The following ERG variants were observed in gnomAD, a reference collection of about 807,000 sequenced individuals.
The protein encoded by ERG is ETS transcription factor ERG.
In ERG, 9 loss-of-function variants were observed where a neutral mutation model predicts 55.3. That is an observed-to-expected ratio of 0.16 (90% CI 0.10 to 0.28). ERG has a LOEUF of 0.28. ERG is among the 10% of genes least tolerant of loss of function. The pLI, the probability that ERG is intolerant of heterozygous loss-of-function variation, is 1.00. For synonymous variants in ERG, 223 were observed against 237.3 expected (o/e 0.94, Z 0.55); for missense variants, 434 against 631.6 (o/e 0.69, Z 3.35).
chr21:38,505,518 G>C (rs1007389270), intron 2 of ERG, among the ~76,000 whole-genome samples: 11 of 152,334 alleles, frequency 7.2e-5, no homozygotes, highest in African/African-American at 9.6e-5. Flanking sequence ...GATGATATCA[G>C]TAAATTTGTT....
chr21:38,532,503 C>T (rs2059679943), intron 2 of ERG, among the ~76,000 whole-genome samples: 1 of 152,172 alleles, frequency 6.6e-6, no homozygotes, highest in Non-Finnish European at 1.5e-5. Context: ...AGTTTGGAAA[C>T]ACTTGATTCT....
chr21:38,615,667 G>A (rs2146935161), intron 1 of ERG, among the ~76,000 whole-genome samples: 1 of 150,380 alleles, frequency 6.6e-6, no homozygotes, highest in African/African-American at 2.5e-5. Flanking sequence ...AATGATAGCT[G>A]ACAATTATTA....
intron 1 of ERG, among the ~76,000 whole-genome samples, chr21:38,484,219 C>T (rs2146656960): frequency 6.6e-6 from 1 of 152,278 alleles, no homozygotes; most frequent in East Asian, 1.9e-4. Flanking sequence ...CCCGCCTCAA[C>T]CTCCCAAAGT....
intron 1 of ERG, among the ~76,000 whole-genome samples, chr21:38,482,510 C>T (rs982490793): frequency 1.3e-5 from 2 of 152,114 alleles, no homozygotes; most frequent in Non-Finnish European, 2.9e-5. Flanking sequence ...AATCCCTTTT[C>T]TGGGTACTTT....
chr21:38,515,582 A>G (rs968852056), intron 2 of ERG, among the ~76,000 whole-genome samples: 2 of 152,000 alleles, frequency 1.3e-5, no homozygotes, highest in African/African-American at 4.8e-5. Context: ...TGAGGCCAAC[A>G]TTACCCTCAT....
At chr21:38,376,222 G>C (rs903918365), downstream of ERG, among the ~76,000 whole-genome samples, 3 of 152,306 alleles carry the variant, frequency 2.0e-5, no homozygotes, top group Non-Finnish European at 4.4e-5. Flanking sequence ...GGCACAGACA[G>C]GCCCAGGGTC....
intron 2 of ERG, among the ~76,000 whole-genome samples, chr21:38,438,492 A>G (rs554480428): frequency 6.6e-6 from 1 of 152,316 alleles, no homozygotes; most frequent in South Asian, 2.1e-4. Context: ...GATACTCCCT[A>G]CTTTTTCTCA....
intron 2 of ERG, among the ~76,000 whole-genome samples, chr21:38,426,069 C>T (rs1004735803): frequency 6.6e-6 from 1 of 152,218 alleles, no homozygotes; most frequent in African/African-American, 2.4e-5. Flanking sequence ...GTCAGGGTCA[C>T]GCAGGACTCA....
At chr21:38,436,162 G>A (rs570371225) in intron 2 of ERG, among the ~76,000 whole-genome samples, 2 of 120,430 alleles carry the variant, frequency 1.7e-5, no homozygotes, top group East Asian at 2.6e-4. Flanking sequence ...ATAGGCACCT[G>A]GCTAATTTTT....
At chr21:38,555,896 T>C (rs745560184) in intron 2 of ERG, among the ~76,000 whole-genome samples, 99 of 152,206 alleles carry the variant, frequency 6.5e-4, no homozygotes, top group Admixed American at 2.6e-3. Flanking sequence ...ATTGGAAATA[T>C]ATGTAAAAAT....
intron 3 of ERG, among the ~76,000 whole-genome samples, chr21:38,407,364 T>C (rs1988819312): frequency 6.6e-6 from 1 of 152,070 alleles, no homozygotes; most frequent in Non-Finnish European, 1.5e-5. Context: ...TCAAAGTAGA[T>C]TGCATTTTAA....
intron 1 of ERG, among the ~76,000 whole-genome samples, chr21:38,475,667 G>GC (rs886522620): frequency 9.7e-4 from 147 of 151,988 alleles, no homozygotes; most frequent in African/African-American, 3.4e-3. Flanking sequence ...TAGAGGTCCC[G>GC]CCCCCCGGCC....
intron 1 of ERG, among the ~76,000 whole-genome samples, chr21:38,497,799 A>T (rs1601139604): frequency 1.3e-5 from 2 of 152,016 alleles, no homozygotes; most frequent in East Asian, 3.9e-4. Flanking sequence ...AAACCAAATT[A>T]CCCCCATTTG....
intron 1 of ERG, among the ~76,000 whole-genome samples, chr21:38,611,743 C>A (rs2060228567): frequency 6.6e-6 from 1 of 152,154 alleles, no homozygotes; most frequent in Admixed American, 6.5e-5. Context: ...CTGTCTCCTG[C>A]CTGAGGATGG....
intron 2 of ERG, among the ~76,000 whole-genome samples, chr21:38,572,147 G>A (rs773268065): frequency 6.7e-6 from 1 of 149,926 alleles, no homozygotes; most frequent in Non-Finnish European, 1.5e-5. Flanking sequence ...ACGAGGTCAG[G>A]AGATTGAGAC....
chr21:38,419,003 C>T (rs965434749), intron 3 of ERG, among the ~76,000 whole-genome samples: 24 of 151,038 alleles, frequency 1.6e-4, no homozygotes, highest in Non-Finnish European at 2.4e-4. Flanking sequence ...TTAAGCTCGG[C>T]CAAAAAAGAG....
At chr21:38,412,023 T>A (rs556242689) in intron 3 of ERG, among the ~76,000 whole-genome samples, 4 of 152,362 alleles carry the variant, frequency 2.6e-5, no homozygotes, top group African/African-American at 9.6e-5. Context: ...GTCAGCTTTT[T>A]AAAAATTCAA....
chr21:38,404,521 C>A (rs1467116738), intron 3 of ERG, among the ~76,000 whole-genome samples: 1 of 152,154 alleles, frequency 6.6e-6, no homozygotes, highest in African/African-American at 2.4e-5. Context: ...CCGGGATGTC[C>A]TGTGGTAAAC....
intron 1 of ERG, among the ~76,000 whole-genome samples, chr21:38,450,304 G>C (rs1343297508): frequency 1.3e-5 from 2 of 152,102 alleles, no homozygotes; most frequent in Admixed American, 1.3e-4. Flanking sequence ...CTTGAACCCG[G>C]GAAGCGGAGG....
Sources: allele counts gnomAD v4.1 joint callset (sites outside exome capture counted in the v4.1 genomes callset), GRCh38; gene constraint gnomAD v4.1.1; transcripts MANE v1.5; gene names NCBI Gene and HGNC (gene_info 2026-07-23, HGNC 2026-07-21).